The following PLXNA4 variants were observed in gnomAD, a reference collection of about 807,000 sequenced individuals.
PLXNA4 encodes plexin-A4.
PLXNA4 carries 44 observed loss-of-function variants against 191.8 expected under a neutral mutation model. The ratio of observed to expected loss-of-function variants is 0.23; its 90% CI spans 0.18 to 0.29. The LOEUF (loss-of-function observed/expected upper bound fraction) is 0.29. Among genes scored for constraint, PLXNA4 ranks in the 10% least tolerant of loss-of-function variants. The pLI, the probability that PLXNA4 is intolerant of heterozygous loss-of-function variation, is 1.00. For missense variants in PLXNA4, 1,800 were observed against 2,488.8 expected (o/e 0.72, Z 5.89); for synonymous variants, 1,082 against 1,009.5 (o/e 1.07, Z -1.36).
chr7:132,318,070 T>C (rs1047817916), intron 3 of PLXNA4, among the ~76,000 whole-genome samples: 1 of 152,172 alleles, frequency 6.6e-6, no homozygotes, highest in African/African-American at 2.4e-5. Flanking sequence ...CCAAGTGGTT[T>C]TGACATAAGG....
intron 3 of PLXNA4, among the ~76,000 whole-genome samples, chr7:132,351,077 G>C (rs898727428): frequency 6.6e-6 from 1 of 152,222 alleles, no homozygotes; most frequent in Non-Finnish European, 1.5e-5. Flanking sequence ...ACAATGTCCA[G>C]AATAGACAAA....
chr7:132,230,495 C>G (rs1389652382), intron 5 of PLXNA4, among the ~76,000 whole-genome samples: 1 of 152,164 alleles, frequency 6.6e-6, no homozygotes, highest in East Asian at 1.9e-4. Context: ...CTAGAAAACC[C>G]CCTCCCAGGA....
intron 25 of PLXNA4, among the ~76,000 whole-genome samples, chr7:132,156,111 TC>T: frequency 2.7e-5 from 1 of 37,580 alleles, no homozygotes; most frequent in Non-Finnish European, 2.3e-4. Flanking sequence ...AAAATGAATC[TC>T]TCTCTCTCTC....
At chr7:132,341,292 T>G (rs1022377296) in intron 3 of PLXNA4, among the ~76,000 whole-genome samples, 1 of 152,102 alleles carries the variant, frequency 6.6e-6, no homozygotes, top group African/African-American at 2.4e-5. Context: ...CCATATTTTA[T>G]CTAATCTAAG....
intron 4 of PLXNA4, among the ~76,000 whole-genome samples, chr7:132,266,761 C>T (rs969142213): frequency 2.6e-5 from 4 of 152,230 alleles, no homozygotes; most frequent in Admixed American, 2.6e-4. Flanking sequence ...GTGATTTCTA[C>T]TTTCCATCCA....
intron 3 of PLXNA4, among the ~76,000 whole-genome samples, chr7:132,429,243 C>T (rs1412490838): frequency 6.6e-6 from 1 of 152,188 alleles, no homozygotes; most frequent in Non-Finnish European, 1.5e-5. Flanking sequence ...TGTCCATGTG[C>T]AGGCTCCTTA....
chr7:132,424,485 T>C (rs540010583), intron 3 of PLXNA4, among the ~76,000 whole-genome samples: 36 of 152,260 alleles, frequency 2.4e-4, no homozygotes, highest in Non-Finnish European at 2.6e-4. Context: ...ACCAAAATCT[T>C]GGTGGAACCC....
intron 3 of PLXNA4, among the ~76,000 whole-genome samples, chr7:132,439,001 C>T (rs1429704231): frequency 6.6e-6 from 1 of 152,224 alleles, no homozygotes; most frequent in South Asian, 2.1e-4. Flanking sequence ...CAAGTATTAA[C>T]CTGCAATTAT....
Position 132,202,839 on chromosome 7 carries a change from GCA to G in PLXNA4, c.2396-5_2396-4del. ...GGCTCCACACTTGTAGAGGTGAACTGCAGAGGGGAAGGGCAAGGACAAGGGGT... is the reference window on the plus strand; with the variant it reads ...GGCTCCACACTTGTAGAGGTGAACTGGAGGGGAAGGGCAAGGACAAGGGGT... On this transcript the variant is annotated splice_polypyrimidine_tract_variant and splice_region_variant and intron_variant, in intron 11 of 31. Coordinates refer to ENST00000321063, the MANE Select transcript of PLXNA4 (RefSeq NM_020911.2). 6.4e-7 allele frequency: 1 copy of G among 1,566,120 alleles called. No individual in the cohort carries two copies. Among genetic ancestry groups the G allele is most frequent in the Non-Finnish European group, 8.7e-7 (1 of 1,154,220 alleles).
intron 1 of PLXNA4, among the ~76,000 whole-genome samples, chr7:132,521,757 G>A (rs944228848): frequency 6.6e-6 from 1 of 152,050 alleles, no homozygotes; most frequent in Non-Finnish European, 1.5e-5. Context: ...ATCCTCTCAG[G>A]TGCCCATGAC....
chr7:132,558,918 C>T (rs1800913307), intron 1 of PLXNA4, among the ~76,000 whole-genome samples: 1 of 151,944 alleles, frequency 6.6e-6, no homozygotes, highest in Non-Finnish European at 1.5e-5. Flanking sequence ...GGCTCTGAGA[C>T]AGCCTTGGAG....
intron 2 of PLXNA4, among the ~76,000 whole-genome samples, chr7:132,596,524 G>T (rs1802713141): frequency 6.6e-6 from 1 of 152,212 alleles, no homozygotes; most frequent in South Asian, 2.1e-4. Flanking sequence ...TGCCACAAAA[G>T]ATTATGAAGA....
intron 3 of PLXNA4, among the ~76,000 whole-genome samples, chr7:132,301,449 G>A (rs145402425): frequency 1.9e-3 from 291 of 151,582 alleles, no homozygotes; most frequent in African/African-American, 6.9e-3. Flanking sequence ...ACTCAGTAAA[G>A]TAAGCATTAA....
intron 5 of PLXNA4, among the ~76,000 whole-genome samples, chr7:132,235,935 G>T (rs1798685862): frequency 6.6e-6 from 1 of 152,114 alleles, no homozygotes; most frequent in African/African-American, 2.4e-5. Flanking sequence ...AGGAATAAAG[G>T]CTCAAAACTC....
At chr7:132,559,194 G>A (rs533828210) in intron 1 of PLXNA4, among the ~76,000 whole-genome samples, 1 of 152,242 alleles carries the variant, frequency 6.6e-6, no homozygotes, top group East Asian at 1.9e-4. Flanking sequence ...ATTACATGCC[G>A]AGAACAGTTG....
At chr7:132,459,035 A>G (rs1585165135) in intron 3 of PLXNA4, among the ~76,000 whole-genome samples, 1 of 152,312 alleles carries the variant, frequency 6.6e-6, no homozygotes, top group East Asian at 1.9e-4. Flanking sequence ...AGCCTGAAAT[A>G]TGCAGCTTAG....
At chr7:132,270,134 A>G (rs1800010166) in intron 4 of PLXNA4, among the ~76,000 whole-genome samples, 1 of 152,202 alleles carries the variant, frequency 6.6e-6, no homozygotes, top group East Asian at 1.9e-4. Flanking sequence ...AGCCCTACCT[A>G]CAGTTTTATT....
chr7:132,436,402 G>A (rs138252771), intron 3 of PLXNA4, among the ~76,000 whole-genome samples: 46 of 152,246 alleles, frequency 3.0e-4, no homozygotes, highest in African/African-American at 1.0e-3. Flanking sequence ...TAATTACTTC[G>A]CCCAGCCATC....
chr7:132,271,374 C>T (rs1374030076), intron 4 of PLXNA4: 1 of 149,884 alleles, frequency 6.7e-6, no homozygotes, highest in Non-Finnish European at 1.5e-5. Flanking sequence ...AAACCTTACA[C>T]TGCTATCAAA....
Sources: gnomAD v4.1 joint callset for allele counts (sites outside exome capture counted in the v4.1 genomes callset) on GRCh38, gnomAD v4.1.1 for gene constraint, MANE v1.5 for transcripts, NCBI Gene and HGNC (gene_info 2026-07-23, HGNC 2026-07-21) for gene names.